Variants in BTBD16 observed in about 807,000 individuals in gnomAD.
The protein encoded by BTBD16 is BTB domain containing 16, also known as BTB/POZ domain-containing protein 16.
BTBD16 carries 66 observed loss-of-function variants against 67.4 expected under a neutral mutation model. That is an observed-to-expected ratio of 0.98 (90% confidence interval 0.80 to 1.20). The LOEUF is 1.20. Among genes scored for constraint, BTBD16 ranks in the 50% most tolerant of loss-of-function variants. The pLI, the probability that BTBD16 is intolerant of heterozygous loss-of-function variation, is 0.00. For missense variants in BTBD16, 634 were observed against 616.0 expected, an observed-to-expected ratio of 1.03 and a Z score of -0.31; for synonymous variants, 242 against 236.4, an observed-to-expected ratio of 1.02 and a Z score of -0.22.
At position 122,289,913 on chromosome 10, in the gene BTBD16, A is replaced by G. The variant is rs774314987; in HGVS notation, c.390A>G (p.Gln130=). The G allele has an allele frequency of 6.2e-7, 1 of 1,613,250 alleles. No homozygotes were observed. Among genetic ancestry groups the G allele is most frequent in the Non-Finnish European group, 8.5e-7 (1 of 1,179,514 alleles). The change falls in exon 6 of 16, where the codon CAA becomes CAG. Residue 130 remains glutamine (Q), a synonymous_variant. Transcript: ENST00000260723. ...LRELEELLRA[Q]SPKKTKEKSP... ...TCATCTCATTTCCTTTACTAGCTCA[A>G]TCACCTAAGAAGACCAAAGAAAAAT... is the stretch of plus-strand genomic sequence containing the variant.
chr10:122,289,930 A>G lies in BTBD16; in HGVS notation c.407A>G (p.Lys136Arg), dbSNP rs765965199. 2.7e-5 allele frequency: 44 copies of G among 1,613,714 alleles called. No homozygotes were observed. The highest frequency in any genetic ancestry group is 6.7e-5 in the African/African-American group (5 of 74,858). Reference protein sequence around the residue: ...LLRAQSPKKTKEKSPAKRIII... With the variant: ...LLRAQSPKKTREKSPAKRIII... The stretch of plus-strand genomic sequence containing the variant: ...CTAGCTCAATCACCTAAGAAGACCA[A>G]AGAAAAATCCCCTGCAAAGAGGATC... The change falls in exon 6 of 16, where the codon AAA becomes AGA. Residue 136 changes from lysine to arginine, a missense_variant. Transcript: ENST00000260723.
At chr10:122,309,561 T>C (rs1236760854) in intron 10 of BTBD16, among the ~76,000 whole-genome samples, 2 of 151,878 alleles carry the variant, frequency 1.3e-5, no homozygotes, top group Non-Finnish European at 2.9e-5. Context: ...GCCAGAATGG[T>C]CTCGATCTCT....
intron 10 of BTBD16, among the ~76,000 whole-genome samples, chr10:122,323,945 T>A (rs2096439807): frequency 6.6e-6 from 1 of 152,206 alleles, no homozygotes; most frequent in Non-Finnish European, 1.5e-5. Flanking sequence ...AGCTGATTTA[T>A]AATCACTAAA....
At chr10:122,276,674 A>G in intron 2 of BTBD16, 117 bp from the exon 3 acceptor site, 3 of 1,380,298 alleles carry the variant, frequency 2.2e-6, no homozygotes, top group Non-Finnish European at 3.0e-6. Flanking sequence ...ATGTTCAAAA[A>G]TTAACCAGCA....
Position 122,312,377 on chromosome 10 carries a change from G to T in BTBD16, c.911+5069G>T, listed in dbSNP as rs1187521649. 5.1e-5 allele frequency among the ~76,000 whole-genome samples: 7 copies of T among 138,116 alleles called. No individual in the cohort carries two copies. The East Asian group carries it at 1.5e-3, about 29-fold the overall frequency. 90.6% of individuals were successfully genotyped at this position (138,116 alleles called of 152,430 possible). The stretch of plus-strand genomic sequence containing the variant: ...TCCCAGGCTGGAGTGCGGTGGCATA[G>T]TCTCAGCTCACTGCAACCTCCACCT... On this transcript the variant is annotated intron_variant, in intron 10 of 15. Coordinates refer to ENST00000260723, the MANE Select transcript of BTBD16 (RefSeq NM_144587.5).
At chr10:122,334,853 A>C in intron 13 of BTBD16, 28 bp from the exon 14 acceptor site, 1 of 1,373,750 alleles carries the variant, frequency 7.3e-7, no homozygotes, top group Non-Finnish European at 1.0e-6. Flanking sequence ...TCCCCCCTTC[A>C]CTTTGTTGTT....
At chr10:122,319,554 T>A (rs949962346) in intron 10 of BTBD16, among the ~76,000 whole-genome samples, 4 of 152,166 alleles carry the variant, frequency 2.6e-5, no homozygotes, top group African/African-American at 4.8e-5. Flanking sequence ...ATTTTGGGAC[T>A]CAATATTCTG....
chr10:122,308,061 T>C (rs976268204), intron 10 of BTBD16, among the ~76,000 whole-genome samples: 111 of 152,344 alleles, frequency 7.3e-4, no homozygotes, highest in East Asian at 2.7e-3. Context: ...TCCCCCACTC[T>C]TTTAATAGCC....
chr10:122,328,094 C>T (rs974697787), intron 10 of BTBD16, among the ~76,000 whole-genome samples: 4 of 152,306 alleles, frequency 2.6e-5, no homozygotes, highest in East Asian at 1.9e-4. Context: ...GCCATGATGA[C>T]GCCTCAGCTG....
chr10:122,299,290 G>C (rs1037679241), intron 9 of BTBD16, among the ~76,000 whole-genome samples, 156 bp downstream of exon 9: 1 of 152,114 alleles, frequency 6.6e-6, no homozygotes, highest in Non-Finnish European at 1.5e-5. Context: ...GGAACTCAGG[G>C]TGCTGTGTGT....
chr10:122,294,300 A>AGATAACCT, intron 7 of BTBD16: 1 of 828,450 alleles, frequency 1.2e-6, no homozygotes, highest in African/African-American at 1.8e-5. Flanking sequence ...TCAGGTGCTG[A>AGATAACCT]GTGAGACCTC....
chr10:122,305,294 G>A (rs1478079427), intron 9 of BTBD16, among the ~76,000 whole-genome samples: 2 of 152,210 alleles, frequency 1.3e-5, no homozygotes, highest in Non-Finnish European at 1.5e-5. Flanking sequence ...GTTTAGATGT[G>A]TGTCCCCACC....
chr10:122,307,293 T>A lies in BTBD16; in HGVS notation c.896T>A (p.Met299Lys), dbSNP rs951810282. The change falls in exon 10 of 16, where the codon ATG becomes AAG. Residue 299 changes from methionine to lysine, a missense_variant. By Grantham distance (95) the Met-to-Lys change is moderately conservative. Transcript: ENST00000260723. ...IQAIPTYETV[M>K]TFFKSFPENC... The stretch of plus-strand genomic sequence containing the variant: ...GCAATTCCGACTTATGAAACCGTGA[T>A]GACATTTTTTAAGAGGTAATATAAC... 1.2e-6 allele frequency: 2 copies of A among 1,605,690 alleles called. No homozygotes were observed. The highest frequency in any genetic ancestry group is 2.7e-5 in the African/African-American group (2 of 74,504).
intron 6 of BTBD16, 132 bp from the exon 7 acceptor site, chr10:122,290,948 T>A: frequency 7.5e-7 from 1 of 1,330,352 alleles, no homozygotes; most frequent in Non-Finnish European, 9.9e-7. Context: ...GGTGCCTGCA[T>A]CCAGGTGAGA....
intron 9 of BTBD16, among the ~76,000 whole-genome samples, chr10:122,301,911 C>T (rs1048194390): frequency 2.0e-5 from 3 of 152,202 alleles, no homozygotes; most frequent in Non-Finnish European, 4.4e-5. Flanking sequence ...CTGCACCCCT[C>T]GTCGTTGGTC....
chr10:122,292,919 G>A (rs777569424), intron 7 of BTBD16, among the ~76,000 whole-genome samples: 1 of 152,198 alleles, frequency 6.6e-6, no homozygotes, highest in African/African-American at 2.4e-5. Flanking sequence ...TGTGTGTCCT[G>A]TAATATTCCT....
intron 9 of BTBD16, among the ~76,000 whole-genome samples, chr10:122,300,375 T>C (rs1170176514): frequency 6.6e-6 from 1 of 152,030 alleles, no homozygotes; most frequent in Non-Finnish European, 1.5e-5. Flanking sequence ...ATATACACAA[T>C]AATGCATAAA....
At chr10:122,294,441 A>T (rs1470623762) in intron 7 of BTBD16, among the ~76,000 whole-genome samples, 1 of 152,200 alleles carries the variant, frequency 6.6e-6, no homozygotes, top group Non-Finnish European at 1.5e-5. Flanking sequence ...CCACTGGGTG[A>T]TGTTCCTTTG....
In BTBD16 at chr10:122,298,989, T is replaced by C. The variant is rs1480382590; in HGVS notation, c.661-15T>C. The stretch of plus-strand genomic sequence containing the variant: ...CTCAGGACTTCCTTCATCAACTGGC[T>C]TTTTTTTGTCTTAGTACAAGGAAGA... On this transcript the variant is annotated splice_polypyrimidine_tract_variant and intron_variant, in intron 8 of 15. Transcript: ENST00000260723. 2 of 1,607,984 alleles carry C rather than the reference T, an allele frequency of 1.2e-6. No homozygotes were observed. Among genetic ancestry groups the C allele is most frequent in the East Asian group, 2.2e-5 (1 of 44,734 alleles).
Sources: gnomAD v4.1 joint callset for allele counts (sites outside exome capture counted in the v4.1 genomes callset) on GRCh38, gnomAD v4.1.1 for gene constraint, MANE v1.5 for transcripts, NCBI Gene and HGNC (gene_info 2026-07-23, HGNC 2026-07-21) for gene names.